Variants in HMGA2 observed in about 807,000 individuals in gnomAD.
HMGA2 encodes the protein high mobility group protein HMGI-C.
HMGA2 carries 8 observed loss-of-function variants against 19.1 expected under a neutral mutation model. The observed-to-expected ratio is 0.42, with a 90% confidence interval of 0.25 to 0.76. HMGA2 has a LOEUF of 0.76. Ranked by LOEUF, HMGA2 falls within the 30% of genes least tolerant of loss-of-function variation. The pLI, the probability that HMGA2 is intolerant of heterozygous loss-of-function variation, is 0.28. For synonymous variants in HMGA2, 60 were observed against 48.8 expected (o/e 1.23, Z -0.96); for missense variants, 109 against 136.3 (o/e 0.80, Z 1.00).
chr12:65,937,829 G>A (rs527799674), intron 3 of HMGA2, among the ~76,000 whole-genome samples: 1 of 152,272 alleles, frequency 6.6e-6, no homozygotes, highest in South Asian at 2.1e-4. Context: ...GAAAAATCTT[G>A]TGCAGCTGAT....
intron 3 of HMGA2, among the ~76,000 whole-genome samples, chr12:65,849,326 G>A (rs970424666): frequency 1.3e-5 from 2 of 152,142 alleles, no homozygotes; most frequent in African/African-American, 4.8e-5. Flanking sequence ...TATGAACATG[G>A]CCATCTCTGT....
At chr12:65,910,940 G>T (rs960896216) in intron 3 of HMGA2, among the ~76,000 whole-genome samples, 2 of 152,184 alleles carry the variant, frequency 1.3e-5, no homozygotes, top group Non-Finnish European at 1.5e-5. Context: ...AATGCCAGTG[G>T]TTAAGAGAGG....
intron 3 of HMGA2, among the ~76,000 whole-genome samples, chr12:65,910,306 G>T: frequency 6.6e-6 from 1 of 152,192 alleles, no homozygotes; most frequent in Non-Finnish European, 1.5e-5. Flanking sequence ...ACCAAGAGCA[G>T]ATACCTTCTC....
At chr12:65,843,223 C>G in intron 3 of HMGA2, 1 of 225,492 alleles carries the variant, frequency 4.4e-6, no homozygotes, top group Non-Finnish European at 8.8e-6. Context: ...TCCCAGCAAT[C>G]CCCAGCTGGT....
chr12:65,875,589 ATTTTTTTTTTTTTT>A (rs71096056), intron 3 of HMGA2, among the ~76,000 whole-genome samples: 4,356 of 25,950 alleles, frequency 0.17, 292 homozygotes, highest in South Asian at 0.35. Context: ...GTGCCCGGCT[ATTTTTTTTTTTTTT>A]TTTTTTTTTT....
At chr12:65,857,134 T>G (rs1263205714) in intron 3 of HMGA2, 2 of 152,232 alleles carry the variant, frequency 1.3e-5, no homozygotes, top group Non-Finnish European at 2.9e-5. Flanking sequence ...ATTTGTAGTT[T>G]GTTACAATAA....
Position 65,899,740 on chromosome 12 carries a change from T to G in HMGA2, c.250-51643T>G, listed in dbSNP as rs149901824. On this transcript the variant is annotated intron_variant, in intron 3 of 4. Coordinates refer to ENST00000403681, the MANE Select transcript of HMGA2 (RefSeq NM_003483.6). ...TGATTATTTCCCAGGTTGTGTTATT[T>G]TTATGAAGATAATTGAAGCTCTTTT... Among the ~76,000 whole-genome samples the G allele has an allele frequency of 1.8e-4, 28 of 152,336 alleles. No individual in the cohort carries two copies. In the East Asian group the frequency reaches 4.2e-3, roughly 23 times the overall value.
chr12:65,949,186 C>T (rs1337218631), intron 3 of HMGA2, among the ~76,000 whole-genome samples: 1 of 151,994 alleles, frequency 6.6e-6, no homozygotes, highest in Non-Finnish European at 1.5e-5. Context: ...GTGATGACGT[C>T]ATCTTTACTG....
chr12:65,835,213 TTTTG>T (rs779071388), intron 2 of HMGA2, among the ~76,000 whole-genome samples: 3 of 152,200 alleles, frequency 2.0e-5, no homozygotes, highest in African/African-American at 4.8e-5. Context: ...CTCCTGAATG[TTTTG>T]TTTGTCTTTT....
Position 65,951,414 on chromosome 12 carries a change from A to T in HMGA2, c.281A>T (p.Gln94Leu). 6.6e-7 allele frequency: 1 copy of T among 1,525,668 alleles called. No individual in the cohort carries two copies. Among genetic ancestry groups the T allele is most frequent in the Non-Finnish European group, 8.9e-7 (1 of 1,125,808 alleles). The allele number at this position is 1,525,668 out of a possible 1,614,324, so 94.5% of individuals were successfully genotyped here. A position where few individuals can be genotyped will look rare whatever the true frequency, so the allele number is the denominator to read the frequency against. The change falls in exon 4 of 5, where the codon CAG becomes CTG. Residue 94 changes from glutamine (Q) to leucine (L), a missense_variant and splice_region_variant. Gln to Leu is a moderately radical substitution (Grantham distance 113, BLOSUM62 -2). Transcript: ENST00000403681. ...PQQVVQKKPAQEETEETSSQE... is the reference protein window; with the variant it reads ...PQQVVQKKPALEETEETSSQE... ...CAAGTTGTTCAGAAGAAGCCTGCTC[A>T]GGTAAGACATAGTCATTAATTTTTT... is the stretch of plus-strand genomic sequence containing the variant.
At position 65,947,110 on chromosome 12, in the gene HMGA2, T is replaced by C. The variant is rs192000749; in HGVS notation, c.250-4273T>C. Among the ~76,000 whole-genome samples the C allele has an allele frequency of 1.6e-3, 244 of 152,046 alleles. 5 individuals are homozygous for C. The highest frequency in any genetic ancestry group is 0.016 in the Admixed American group (244 of 15,260). On this transcript the variant is annotated intron_variant, in intron 3 of 4. Coordinates refer to ENST00000403681, the MANE Select transcript of HMGA2 (RefSeq NM_003483.6). ...TGGTATGTTCAACTCATGGGGTCTT[T>C]GAATTCTCACCACTTTTTTTTTTTT...
intron 3 of HMGA2, among the ~76,000 whole-genome samples, chr12:65,848,720 G>C (rs1871330070): frequency 6.6e-6 from 1 of 152,112 alleles, no homozygotes; most frequent in African/African-American, 2.4e-5. Flanking sequence ...GCCGGGCGCG[G>C]TGGCGGGCGC....
At chr12:65,890,727 C>CT (rs113634383) in intron 3 of HMGA2, among the ~76,000 whole-genome samples, 3,963 of 141,980 alleles carry the variant, frequency 0.028, 185 homozygotes, top group African/African-American at 0.093. Flanking sequence ...TCAGTATATT[C>CT]TTTTTTTTTT....
Position 65,875,589 on chromosome 12 carries a change from A to AT in HMGA2, c.249+37061dup, listed in dbSNP as rs71096056. 1.9e-3 allele frequency among the ~76,000 whole-genome samples: 49 copies of AT among 26,108 alleles called. 7 individuals are homozygous for AT. The highest frequency in any genetic ancestry group is 6.2e-3 in the South Asian group (4 of 644). 17.1% of individuals were successfully genotyped at this position (26,108 alleles called of 152,430 possible). A position where few individuals can be genotyped will look rare whatever the true frequency, so the allele number is the denominator to read the frequency against. ...CGGGCATATGCCACCGTGCCCGGCT[A>AT]TTTTTTTTTTTTTTTTTTTTTTTTT... On this transcript the variant is annotated intron_variant, in intron 3 of 4. Transcript: ENST00000403681.
intron 3 of HMGA2, among the ~76,000 whole-genome samples, chr12:65,848,985 A>C (rs982204793): frequency 1.3e-5 from 2 of 152,240 alleles, no homozygotes; most frequent in Non-Finnish European, 2.9e-5. Flanking sequence ...AATCCCAAGA[A>C]GGTGAGATAA....
chr12:65,909,061 G>C (rs1436843709), intron 3 of HMGA2, among the ~76,000 whole-genome samples: 1 of 152,070 alleles, frequency 6.6e-6, no homozygotes. Context: ...TCTAACTGTT[G>C]ATCTAATTTT....
chr12:65,865,157 G>A (rs1872326526), intron 3 of HMGA2, among the ~76,000 whole-genome samples: 1 of 152,194 alleles, frequency 6.6e-6, no homozygotes, highest in South Asian at 2.1e-4. Flanking sequence ...TAGTTTGTAA[G>A]GATGCAGTAT....
intron 3 of HMGA2, 129 bp from the exon 4 acceptor site, chr12:65,951,254 T>C: frequency 3.2e-6 from 2 of 632,954 alleles, no homozygotes; most frequent in South Asian, 2.2e-5. Flanking sequence ...TAACATTGGA[T>C]ATACCAGTTG....
At chr12:65,900,772 G>A (rs1211573228) in intron 3 of HMGA2, among the ~76,000 whole-genome samples, 1 of 152,128 alleles carries the variant, frequency 6.6e-6, no homozygotes, top group Non-Finnish European at 1.5e-5. Flanking sequence ...ACCCAAACAG[G>A]CCATTGTTTT....
Sources: gnomAD v4.1 joint callset for allele counts (sites outside exome capture counted in the v4.1 genomes callset) on GRCh38, gnomAD v4.1.1 for gene constraint, MANE v1.5 for transcripts, NCBI Gene and HGNC (gene_info 2026-07-23, HGNC 2026-07-21) for gene names.